The following MAP2K5 variants were observed in gnomAD, a reference collection of about 807,000 sequenced individuals.
The protein encoded by MAP2K5 is mitogen-activated protein kinase kinase 5, also known as dual specificity mitogen-activated protein kinase kinase 5.
Under a neutral mutation model 83.1 loss-of-function variants are expected in MAP2K5, and 49 were observed. That is an observed-to-expected ratio of 0.59 (90% CI 0.47 to 0.75). The LOEUF (loss-of-function observed/expected upper bound fraction) is 0.75, where lower values mean the gene tolerates loss of function less well. Ranked by LOEUF, MAP2K5 falls within the 30% of genes least tolerant of loss-of-function variation. MAP2K5 has a pLI of 0.00. For missense variants in MAP2K5, 457 were observed against 557.5 expected, an observed-to-expected ratio of 0.82 and a Z score of 1.82; for synonymous variants, 202 against 191.8, an observed-to-expected ratio of 1.05 and a Z score of -0.44.
At chr15:67,666,047 C>T (rs2087369565) in intron 13 of MAP2K5, among the ~76,000 whole-genome samples, 1 of 152,104 alleles carries the variant, frequency 6.6e-6, no homozygotes, top group Non-Finnish European at 1.5e-5. Context: ...AAAAAATGGA[C>T]ATCTATCCAT....
rs780546190 is a variant in MAP2K5 at position 67,748,967 on chromosome 15, A to C, written c.1134+366A>C. Among the ~76,000 whole-genome samples the C allele has an allele frequency of 1.1e-4, 17 of 152,204 alleles. No homozygotes were observed. Among genetic ancestry groups the C allele is most frequent in the Non-Finnish European group, 1.8e-4 (12 of 68,040 alleles). On this transcript the variant is annotated intron_variant, in intron 19 of 21. Coordinates refer to ENST00000178640, the MANE Select transcript of MAP2K5 (RefSeq NM_145160.3). The surrounding 1 kb of genome is among the most constrained non-coding windows in gnomAD (Gnocchi z 4.0). ...AAGTCATTCAGTAGGCAAGGGTCAG[A>C]GTTGAAGAGCAAGCATAAGCTGGAT...
intron 13 of MAP2K5, among the ~76,000 whole-genome samples, chr15:67,671,026 TACTG>T (rs1488111503): frequency 1.3e-5 from 2 of 152,230 alleles, no homozygotes; most frequent in Non-Finnish European, 2.9e-5. Context: ...AATTCAGTCC[TACTG>T]ACTGACTGCC....
chr15:67,693,328 A>G (rs187669046), intron 14 of MAP2K5, among the ~76,000 whole-genome samples, 190 bp from the exon 15 acceptor site: 104 of 152,340 alleles, frequency 6.8e-4, no homozygotes, highest in African/African-American at 2.5e-3. Flanking sequence ...GCTTGTTTAA[A>G]CTGGAAATCA....
chr15:67,731,808 A>G (rs1422828135), intron 17 of MAP2K5, among the ~76,000 whole-genome samples: 4 of 152,186 alleles, frequency 2.6e-5, no homozygotes, highest in African/African-American at 4.8e-5. Context: ...TTGGCTATTC[A>G]TACCCCTGTT....
Position 67,746,805 on chromosome 15 carries a change from T to C in MAP2K5, c.1075-1426T>C, listed in dbSNP as rs867925292. The stretch of plus-strand genomic sequence containing the variant: ...TAAGAGCAATGAGTGGGCGCCGTGT[T>C]CATTTGACAAATATATGGGAAAACA... On this transcript the variant is annotated intron_variant, in intron 17 of 21. Coordinates refer to ENST00000178640, the MANE Select transcript of MAP2K5 (RefSeq NM_145160.3). The surrounding 1 kb of genome is among the most constrained non-coding windows in gnomAD (Gnocchi z 4.1). 3.9e-5 allele frequency among the ~76,000 whole-genome samples: 6 copies of C among 152,338 alleles called. No homozygotes were observed. Among genetic ancestry groups the C allele is most frequent in the Middle Eastern group, 3.4e-3 (1 of 294 alleles).
intron 13 of MAP2K5, among the ~76,000 whole-genome samples, chr15:67,691,050 G>A (rs1403210664): frequency 6.6e-6 from 1 of 152,136 alleles, no homozygotes; most frequent in Non-Finnish European, 1.5e-5. Context: ...ATAGTGTGTG[G>A]TATCTGAAGG....
At position 67,778,075 on chromosome 15, in the gene MAP2K5, T is replaced by C. The variant is rs2090268947; in HGVS notation, c.1242+5323T>C. On this transcript the variant is annotated intron_variant, in intron 21 of 21. Coordinates refer to ENST00000178640, the MANE Select transcript of MAP2K5 (RefSeq NM_145160.3). This position sits in a 1 kb window ranked among gnomAD's most constrained non-coding sequence, Gnocchi z 5.0. ...ACTTGAAGGCATCTCATTTCTCAGCTAAGGCTTTATGTATAAGAGGTGGTA... is the reference window on the plus strand; with the variant it reads ...ACTTGAAGGCATCTCATTTCTCAGCCAAGGCTTTATGTATAAGAGGTGGTA... Among the ~76,000 whole-genome samples, 1 of 152,232 alleles carries C rather than the reference T, an allele frequency of 6.6e-6. No individual in the cohort carries two copies. The highest frequency in any genetic ancestry group is 2.1e-4 in the South Asian group (1 of 4,830).
Position 67,576,288 on chromosome 15 carries a change from A to T in MAP2K5, c.253-4466A>T, listed in dbSNP as rs1037970439. 1.6e-4 allele frequency among the ~76,000 whole-genome samples: 23 copies of T among 147,574 alleles called. 3 individuals are homozygous for T. The highest frequency in any genetic ancestry group is 1.5e-5 in the Non-Finnish European group (1 of 66,422). On this transcript the variant is annotated intron_variant, in intron 3 of 21. Transcript: ENST00000178640. ...TGCTGTTTTGGAACTCAAGTTTTTT[A>T]AAAAATATGGCAGATTTCCATGAAG... is the stretch of plus-strand genomic sequence containing the variant.
At position 67,749,909 on chromosome 15, in the gene MAP2K5, G is replaced by T. The variant is rs918513997; in HGVS notation, c.1134+1308G>T. On this transcript the variant is annotated intron_variant, in intron 19 of 21. Coordinates refer to ENST00000178640, the MANE Select transcript of MAP2K5 (RefSeq NM_145160.3). The surrounding 1 kb of genome is among the most constrained non-coding windows in gnomAD (Gnocchi z 4.6). Reference sequence around the variant, plus strand: ...TGGGGAAACTTGCCTACCCAGTTTCGTGCACAGCCTTCTGTGTTTCCTGGG... The same window carrying T: ...TGGGGAAACTTGCCTACCCAGTTTCTTGCACAGCCTTCTGTGTTTCCTGGG... Among the ~76,000 whole-genome samples, 7 of 152,098 alleles carry T rather than the reference G, an allele frequency of 4.6e-5. No individual in the cohort carries two copies. The highest frequency in any genetic ancestry group is 3.9e-4 in the Admixed American group (6 of 15,262).
Position 67,712,404 on chromosome 15 carries a change from T to C in MAP2K5, c.1044+8996T>C, listed in dbSNP as rs77597298. 9.4e-3 allele frequency among the ~76,000 whole-genome samples: 1,434 copies of C among 152,278 alleles called. 25 individuals are homozygous for C. The highest frequency in any genetic ancestry group is 0.033 in the African/African-American group (1,378 of 41,556). ...TCAGTGCCTTACTCTTACAGAGACA[T>C]TTGAGAAAGGCCTTTAGGGTCAGAA... On this transcript the variant is annotated intron_variant, in intron 16 of 21. Transcript: ENST00000178640.
chr15:67,618,224 G>A (rs1019294928), intron 8 of MAP2K5, among the ~76,000 whole-genome samples: 3 of 152,166 alleles, frequency 2.0e-5, no homozygotes, highest in Non-Finnish European at 4.4e-5. Flanking sequence ...AACACTTTGT[G>A]CAAAGTACTT....
At chr15:67,616,658 G>A (rs2086062887) in intron 8 of MAP2K5, among the ~76,000 whole-genome samples, 1 of 152,088 alleles carries the variant, frequency 6.6e-6, no homozygotes, top group Admixed American at 6.6e-5. Context: ...TTTTAAAATA[G>A]CCTTTGTTCA....
chr15:67,617,678 A>G (rs1212386843), intron 8 of MAP2K5, among the ~76,000 whole-genome samples: 1 of 151,950 alleles, frequency 6.6e-6, no homozygotes, highest in East Asian at 1.9e-4. Flanking sequence ...TTATTTTCAC[A>G]TATTTATTTT....
At position 67,780,182 on chromosome 15, in the gene MAP2K5, T is replaced by A. The variant is rs1367409917; in HGVS notation, c.1242+7430T>A. ...AGCGGCTCTCAACACTAGCAGCTCA[T>A]CAGAGTTACCTCAGAGGTTTAAAAG... On this transcript the variant is annotated intron_variant, in intron 21 of 21. Coordinates refer to ENST00000178640, the MANE Select transcript of MAP2K5 (RefSeq NM_145160.3). The surrounding 1 kb of genome is among the most constrained non-coding windows in gnomAD (Gnocchi z 5.0). 1.3e-5 allele frequency among the ~76,000 whole-genome samples: 2 copies of A among 152,080 alleles called. No homozygotes were observed. Among genetic ancestry groups the A allele is most frequent in the Non-Finnish European group, 2.9e-5 (2 of 68,032 alleles).
At chr15:67,678,702 A>T (rs898167008) in intron 13 of MAP2K5, among the ~76,000 whole-genome samples, 4 of 152,222 alleles carry the variant, frequency 2.6e-5, no homozygotes, top group Admixed American at 1.3e-4. Flanking sequence ...ACAGTGGCTC[A>T]CGCCTGTAAT....
rs189804125 is a variant in MAP2K5, at chr15:67,637,419, G to T, written c.585+6492G>T. Among the ~76,000 whole-genome samples the T allele has an allele frequency of 6.6e-6, 1 of 152,044 alleles. No homozygotes were observed. Among genetic ancestry groups the T allele is most frequent in the Non-Finnish European group, 1.5e-5 (1 of 68,018 alleles). ...GGTTAGTCTAGAACTAATTTTCCCC[G>T]TGCAGCAGAGGTAGTACTCTTCTGA... On this transcript the variant is annotated intron_variant, in intron 9 of 21. Transcript: ENST00000178640. This position sits in a 1 kb window ranked among gnomAD's most constrained non-coding sequence, Gnocchi z 4.5.
chr15:67,669,749 C>T (rs1009596345), intron 13 of MAP2K5, among the ~76,000 whole-genome samples: 1 of 150,480 alleles, frequency 6.6e-6, no homozygotes. Flanking sequence ...GTTTAGTATG[C>T]TAAAAATACT....
intron 13 of MAP2K5, among the ~76,000 whole-genome samples, chr15:67,686,377 C>A (rs1205752835): frequency 6.6e-6 from 1 of 152,000 alleles, no homozygotes; most frequent in African/African-American, 2.4e-5. Context: ...GAGGCCAAGG[C>A]AAGCAGATCA....
intron 13 of MAP2K5, among the ~76,000 whole-genome samples, chr15:67,685,499 A>G (rs1038738966): frequency 6.6e-6 from 1 of 152,210 alleles, no homozygotes; most frequent in African/African-American, 2.4e-5. Flanking sequence ...ACACAAAGGA[A>G]TAAATAGTTT....
Sources: gnomAD v4.1 joint callset for allele counts (sites outside exome capture counted in the v4.1 genomes callset) on GRCh38, gnomAD v4.1.1 for gene constraint, Gnocchi (gnomAD v3.1) non-coding constraint, MANE v1.5 for transcripts, NCBI Gene and HGNC (gene_info 2026-07-23, HGNC 2026-07-21) for gene names.